The following CDH18 variants were observed in gnomAD, a reference collection of about 807,000 sequenced individuals.
CDH18 encodes cadherin 18, also known as cadherin-18.
Under a neutral mutation model 67.9 loss-of-function variants are expected in CDH18, and 31 were observed. The ratio of observed to expected loss-of-function variants is 0.46; its 90% CI spans 0.34 to 0.62. CDH18 has a LOEUF of 0.62. CDH18 is among the 20% of genes least tolerant of loss of function. The probability of loss-of-function intolerance (pLI) is 0.01; values close to 1 mark genes in which losing one functional copy is unlikely to be tolerated. For missense variants in CDH18, 890 were observed against 975.5 expected (o/e 0.91, Z 1.17); for synonymous variants, 362 against 347.2 (o/e 1.04, Z -0.48).
At chr5:19,696,225 ATGTGTG>A (rs1192392126) in intron 5 of CDH18, among the ~76,000 whole-genome samples, 1 of 74,984 alleles carries the variant, frequency 1.3e-5, no homozygotes, top group Non-Finnish European at 2.9e-5. Flanking sequence ...CACCAAATAT[ATGTGTG>A]TGTGTGTGTG....
chr5:19,549,755 AAAGAAAGAAAAAGAAAGAAAGAAAGG>A (rs747514849), intron 8 of CDH18, among the ~76,000 whole-genome samples: 7,215 of 135,464 alleles, frequency 0.053, 186 homozygotes, highest in African/African-American at 0.088. Flanking sequence ...AAAGAAAAAG[AAAGAAAGAAAAAGAAAGAAAGAAAGG>A]AAGAAAGAAA....
chr5:19,727,939 T>TAAAAGTTCA (rs1767066823), intron 4 of CDH18, among the ~76,000 whole-genome samples: 1 of 152,168 alleles, frequency 6.6e-6, no homozygotes, highest in African/African-American at 2.4e-5. Context: ...TATCACTCGT[T>TAAAAGTTCA]AAAAGTTCAA....
intron 7 of CDH18, among the ~76,000 whole-genome samples, chr5:19,578,227 T>C (rs905878844): frequency 6.6e-6 from 1 of 152,214 alleles, no homozygotes; most frequent in Non-Finnish European, 1.5e-5. Flanking sequence ...AGAAACATAG[T>C]AGAAATTTTC....
intron 9 of CDH18, among the ~76,000 whole-genome samples, chr5:19,526,788 TTAATA>T (rs964451111): frequency 2.0e-5 from 3 of 152,000 alleles, no homozygotes; most frequent in Admixed American, 2.0e-4. Flanking sequence ...TATAAATAGG[TTAATA>T]TAATATTGCA....
intron 1 of CDH18, among the ~76,000 whole-genome samples, chr5:20,543,183 C>T (rs1015053179): frequency 4.6e-5 from 7 of 151,824 alleles, no homozygotes; most frequent in African/African-American, 1.7e-4. Flanking sequence ...GATGGTTAAA[C>T]CTGCATCAAA....
At chr5:20,174,956 A>T (rs1334282908) in intron 2 of CDH18, among the ~76,000 whole-genome samples, 1 of 152,180 alleles carries the variant, frequency 6.6e-6, no homozygotes, top group African/African-American at 2.4e-5. Flanking sequence ...TACACCGTGA[A>T]ATACTAGAAA....
chr5:20,281,207 T>C (rs1746240889), intron 1 of CDH18, among the ~76,000 whole-genome samples: 1 of 152,140 alleles, frequency 6.6e-6, no homozygotes, highest in Admixed American at 6.5e-5. Flanking sequence ...AGCTCTTTAG[T>C]TTAATTAGAT....
intron 1 of CDH18, among the ~76,000 whole-genome samples, chr5:20,388,547 G>T (rs1562023820): frequency 2.6e-5 from 4 of 151,950 alleles, no homozygotes; most frequent in African/African-American, 9.7e-5. Flanking sequence ...TTTTTGAAGG[G>T]TTTTTTGTGT....
chr5:19,701,067 T>A (rs1763187400), intron 5 of CDH18, among the ~76,000 whole-genome samples: 1 of 151,856 alleles, frequency 6.6e-6, no homozygotes, highest in South Asian at 2.1e-4. Flanking sequence ...TAAAAAAAAA[T>A]TAACTAAGGA....
intron 9 of CDH18, among the ~76,000 whole-genome samples, chr5:19,531,449 C>T (rs994886035): frequency 2.6e-5 from 4 of 152,010 alleles, no homozygotes; most frequent in African/African-American, 9.7e-5. Flanking sequence ...AATACCCTGG[C>T]AACACATGCG....
intron 3 of CDH18, among the ~76,000 whole-genome samples, chr5:19,834,152 A>ATTTTTTTTTTTT (rs36060099): frequency 7.0e-6 from 1 of 143,686 alleles, no homozygotes; most frequent in Non-Finnish European, 1.5e-5. Flanking sequence ...TGGTCCTGGG[A>ATTTTTTTTTTTT]TTTTTTTTTT....
At chr5:19,564,674 G>A (rs776774948) in intron 8 of CDH18, among the ~76,000 whole-genome samples, 7 of 152,108 alleles carry the variant, frequency 4.6e-5, no homozygotes, top group Non-Finnish European at 1.0e-4. Flanking sequence ...GCTCAAGGAC[G>A]GGAAAGGGAA....
At chr5:19,866,901 C>G (rs1785598720) in intron 2 of CDH18, among the ~76,000 whole-genome samples, 1 of 152,030 alleles carries the variant, frequency 6.6e-6, no homozygotes, top group Non-Finnish European at 1.5e-5. Context: ...ACCAGACTGG[C>G]CAAGATGCTG....
chr5:19,765,491 T>C (rs1403228518), intron 3 of CDH18, among the ~76,000 whole-genome samples: 1 of 152,150 alleles, frequency 6.6e-6, no homozygotes, highest in East Asian at 1.9e-4. Flanking sequence ...ACCTTGTGAA[T>C]TAAACCATAT....
chr5:20,331,417 T>C (rs1739169629), intron 1 of CDH18: 1 of 152,182 alleles, frequency 6.6e-6, no homozygotes, highest in Admixed American at 6.5e-5. Context: ...ACACAAGATT[T>C]CACTTCTCAC....
At chr5:19,695,195 A>G (rs1561069299) in intron 5 of CDH18, among the ~76,000 whole-genome samples, 1 of 152,170 alleles carries the variant, frequency 6.6e-6, no homozygotes, top group Non-Finnish European at 1.5e-5. Context: ...TGTGCATAGA[A>G]AATAATGCAG....
At chr5:20,181,518 A>G (rs1233321961) in intron 2 of CDH18, among the ~76,000 whole-genome samples, 6 of 152,084 alleles carry the variant, frequency 3.9e-5, no homozygotes, top group African/African-American at 1.4e-4. Context: ...TAATACCTCA[A>G]GGCCCAAAAT....
chr5:19,753,974 A>C (rs1458039887), intron 3 of CDH18, among the ~76,000 whole-genome samples: 1 of 152,228 alleles, frequency 6.6e-6, no homozygotes, highest in South Asian at 2.1e-4. Flanking sequence ...AACTGCTAAA[A>C]GGAGCTCTAA....
At chr5:19,742,786 G>A (rs1272806283) in intron 4 of CDH18, among the ~76,000 whole-genome samples, 1 of 151,898 alleles carries the variant, frequency 6.6e-6, no homozygotes, top group African/African-American at 2.4e-5. Flanking sequence ...TAAATATAAG[G>A]AGAGAGATTG....
Sources: allele counts gnomAD v4.1 joint callset (sites outside exome capture counted in the v4.1 genomes callset), GRCh38; gene constraint gnomAD v4.1.1; transcripts MANE v1.5; gene names NCBI Gene and HGNC (gene_info 2026-07-23, HGNC 2026-07-21).